The following FGD4 variants were observed in gnomAD, a reference collection of about 807,000 sequenced individuals.
FGD4 encodes FYVE, RhoGEF and PH domain-containing protein 4.
A neutral mutation model predicts 102.0 loss-of-function variants in FGD4; 42 were observed. That is an observed-to-expected ratio of 0.41 (90% CI 0.32 to 0.53). The LOEUF is 0.53. FGD4 is among the 20% of genes least tolerant of loss of function. The pLI is 0.21. For synonymous variants in FGD4, 380 were observed against 375.7 expected (o/e 1.01, Z -0.13); for missense variants, 902 against 1,078.2 (o/e 0.84, Z 2.29).
intron 1 of FGD4, among the ~76,000 whole-genome samples, chr12:32,560,028 A>T (rs772697091): frequency 2.6e-5 from 4 of 152,128 alleles, no homozygotes; most frequent in African/African-American, 7.2e-5. Context: ...GCCATCCTTC[A>T]CTAGACCCCG....
intron 10 of FGD4, among the ~76,000 whole-genome samples, chr12:32,618,920 G>C (rs983712884): frequency 6.6e-6 from 1 of 152,180 alleles, no homozygotes; most frequent in African/African-American, 2.4e-5. Flanking sequence ...GAGTCCTGTA[G>C]CCTGGGTGAT....
chr12:32,474,174 C>T (rs1943524012), intron 1 of FGD4, among the ~76,000 whole-genome samples: 1 of 152,006 alleles, frequency 6.6e-6, no homozygotes, highest in Non-Finnish European at 1.5e-5. Context: ...GGTACAGTTG[C>T]TTTGGAAAAC....
At chr12:32,424,052 G>T (rs887161988) in intron 1 of FGD4, among the ~76,000 whole-genome samples, 1 of 152,052 alleles carries the variant, frequency 6.6e-6, no homozygotes, top group Non-Finnish European at 1.5e-5. Flanking sequence ...GCAAATGACA[G>T]AATTTCCTGC....
intron 1 of FGD4, among the ~76,000 whole-genome samples, chr12:32,403,120 TAAA>T (rs1362272116): frequency 1.3e-5 from 2 of 151,962 alleles, no homozygotes; most frequent in African/African-American, 4.8e-5. Flanking sequence ...CTTTCCCTCT[TAAA>T]GAAGAAGGAA....
At chr12:32,570,599 G>A (rs1473735593) in intron 2 of FGD4, among the ~76,000 whole-genome samples, 3 of 151,836 alleles carry the variant, frequency 2.0e-5, no homozygotes, top group African/African-American at 7.3e-5. Context: ...GTGCCACCAC[G>A]CCCGGCTAAT....
intron 2 of FGD4, among the ~76,000 whole-genome samples, chr12:32,564,619 TAGAA>T (rs1472029912): frequency 6.6e-6 from 1 of 152,200 alleles, no homozygotes; most frequent in Non-Finnish European, 1.5e-5. Context: ...GAGCTACTGT[TAGAA>T]AGAAATGATT....
chr12:32,420,718 T>G (rs1474191834), intron 1 of FGD4, among the ~76,000 whole-genome samples: 2 of 152,126 alleles, frequency 1.3e-5, no homozygotes, highest in Non-Finnish European at 2.9e-5. Flanking sequence ...CCTCAATTTC[T>G]TCACCAAACT....
chr12:32,575,081 A>G (rs1946019868), intron 2 of FGD4, among the ~76,000 whole-genome samples: 1 of 152,206 alleles, frequency 6.6e-6, no homozygotes, highest in Non-Finnish European at 1.5e-5. Context: ...GAAACTCTGT[A>G]GATTTTAGTA....
intron 1 of FGD4, among the ~76,000 whole-genome samples, chr12:32,518,328 A>G (rs912890075): frequency 2.6e-5 from 4 of 152,280 alleles, no homozygotes; most frequent in Middle Eastern, 3.4e-3. Context: ...AAAATACAAA[A>G]TTAGCCGATA....
chr12:32,466,501 G>A (rs1943255185), intron 1 of FGD4, among the ~76,000 whole-genome samples: 1 of 152,068 alleles, frequency 6.6e-6, no homozygotes, highest in Non-Finnish European at 1.5e-5. Flanking sequence ...CTCACCTTAT[G>A]GAGGGCAGTC....
chr12:32,493,954 CAA>C (rs1430592709), intron 1 of FGD4, among the ~76,000 whole-genome samples: 4 of 152,150 alleles, frequency 2.6e-5, no homozygotes, highest in Non-Finnish European at 5.9e-5. Context: ...ACTGTAGAAA[CAA>C]GAGGAAGATC....
chr12:32,404,425 C>T (rs553928657), intron 1 of FGD4, among the ~76,000 whole-genome samples: 5 of 152,040 alleles, frequency 3.3e-5, no homozygotes, highest in Admixed American at 2.6e-4. Context: ...TGGCACTGAA[C>T]CAGGACTATG....
chr12:32,410,920 CTTTTTTTTTTCTTTT>C (rs1565724149), intron 1 of FGD4, among the ~76,000 whole-genome samples: 1 of 135,188 alleles, frequency 7.4e-6, no homozygotes, highest in Non-Finnish European at 1.6e-5. Context: ...ACAATGAACT[CTTTTTTTTTTCTTTT>C]TTTTTTTTTT....
At chr12:32,480,788 C>T (rs910107754) in intron 1 of FGD4, among the ~76,000 whole-genome samples, 4 of 149,142 alleles carry the variant, frequency 2.7e-5, no homozygotes, top group Non-Finnish European at 4.5e-5. Context: ...CGTGAGCCAC[C>T]ACGCCCGGCC....
intron 1 of FGD4, among the ~76,000 whole-genome samples, chr12:32,402,090 G>A (rs113797288): frequency 0.063 from 9,117 of 144,302 alleles, 415 homozygotes; most frequent in Middle Eastern, 0.14. Flanking sequence ...TTTTAGTAGA[G>A]ACGGAGTTTC....
chr12:32,469,470 A>G (rs10771953), intron 1 of FGD4, among the ~76,000 whole-genome samples: 56,445 of 150,668 alleles, frequency 0.37, 11,428 homozygotes, highest in South Asian at 0.52. Flanking sequence ...TAGTAGAAAC[A>G]GGATTTCACC....
At chr12:32,410,582 C>T (rs1294902653) in intron 1 of FGD4, among the ~76,000 whole-genome samples, 37 of 152,290 alleles carry the variant, frequency 2.4e-4, no homozygotes, top group Admixed American at 6.5e-5. Context: ...GGCATTAGCA[C>T]CAGCAAGTGT....
intron 4 of FGD4, among the ~76,000 whole-genome samples, chr12:32,596,369 G>C (rs564038031): frequency 1.3e-5 from 2 of 152,288 alleles, no homozygotes; most frequent in African/African-American, 4.8e-5. Context: ...GAAAGGTTTA[G>C]AGATAACCAG....
chr12:32,402,016 C>G (rs969379691), intron 1 of FGD4, among the ~76,000 whole-genome samples: 1 of 150,090 alleles, frequency 6.7e-6, no homozygotes, highest in African/African-American at 2.5e-5. Context: ...CATTCTCCTG[C>G]CTCAGCCTCC....
Sources: allele counts gnomAD v4.1 joint callset (sites outside exome capture counted in the v4.1 genomes callset), GRCh38; gene constraint gnomAD v4.1.1; transcripts MANE v1.5; gene names NCBI Gene and HGNC (gene_info 2026-07-23, HGNC 2026-07-21).